Variants in MMP16 observed in about 807,000 individuals in gnomAD.
MMP16 encodes the protein matrix metalloproteinase-16.
In MMP16, 12 loss-of-function variants were observed where a neutral mutation model predicts 67.8. That is an observed-to-expected ratio of 0.18 (90% CI 0.11 to 0.29). MMP16 has a LOEUF of 0.29. MMP16 is among the 10% of genes least tolerant of loss of function. The pLI, the probability that MMP16 is intolerant of heterozygous loss-of-function variation, is 1.00. For missense variants in MMP16, 475 were observed against 765.7 expected (o/e 0.62, Z 4.48); for synonymous variants, 249 against 255.9 (o/e 0.97, Z 0.26).
intron 6 of MMP16, among the ~76,000 whole-genome samples, chr8:88,111,165 C>T (rs1405810789): frequency 1.3e-5 from 2 of 151,552 alleles, no homozygotes; most frequent in African/African-American, 4.8e-5. Flanking sequence ...TAAGTTGTAC[C>T]ACTAAATTGA....
intron 1 of MMP16, among the ~76,000 whole-genome samples, chr8:88,309,000 C>T (rs1811254594): frequency 6.6e-6 from 1 of 151,824 alleles, no homozygotes; most frequent in South Asian, 2.1e-4. Flanking sequence ...AATATTTTAC[C>T]CAGCAGATTA....
intron 6 of MMP16, among the ~76,000 whole-genome samples, chr8:88,094,801 T>A (rs1808997969): frequency 6.6e-6 from 1 of 151,774 alleles, no homozygotes; most frequent in Non-Finnish European, 1.5e-5. Flanking sequence ...TGAAAAACTG[T>A]TAGCCCCTTG....
intron 1 of MMP16, among the ~76,000 whole-genome samples, chr8:88,270,102 T>C (rs1420328581): frequency 6.6e-6 from 1 of 152,174 alleles, no homozygotes; most frequent in African/African-American, 2.4e-5. Flanking sequence ...GACCCAGTTC[T>C]TTAAGACAAA....
intron 1 of MMP16, among the ~76,000 whole-genome samples, chr8:88,286,565 G>C (rs1433715995): frequency 7.0e-6 from 1 of 142,748 alleles, no homozygotes; most frequent in Admixed American, 7.4e-5. Flanking sequence ...ACATGAGTCA[G>C]AGACCTGGAA....
chr8:88,068,293 A>G (rs953699077), intron 7 of MMP16, among the ~76,000 whole-genome samples: 3 of 152,054 alleles, frequency 2.0e-5, no homozygotes, highest in African/African-American at 7.2e-5. Context: ...AGTGTTCTTT[A>G]TATATTGTGA....
intron 1 of MMP16, among the ~76,000 whole-genome samples, chr8:88,322,539 T>C (rs1434610377): frequency 6.6e-6 from 1 of 151,966 alleles, no homozygotes; most frequent in Admixed American, 6.6e-5. Flanking sequence ...TTAATAATAA[T>C]GACATGTGGC....
intron 1 of MMP16, among the ~76,000 whole-genome samples, chr8:88,296,036 C>T (rs1309135136): frequency 1.7e-5 from 2 of 117,318 alleles, no homozygotes; most frequent in Non-Finnish European, 4.0e-5. Context: ...ATCCTACTTA[C>T]TAACTGAGAC....
chr8:88,153,855 A>C (rs1808456217), intron 4 of MMP16, among the ~76,000 whole-genome samples: 2 of 152,152 alleles, frequency 1.3e-5, no homozygotes, highest in Admixed American at 6.5e-5. Context: ...CAAAAGCCAA[A>C]AGTGACAAAT....
At chr8:88,190,717 A>C (rs938748458) in intron 2 of MMP16, among the ~76,000 whole-genome samples, 1 of 152,148 alleles carries the variant, frequency 6.6e-6, no homozygotes, top group Non-Finnish European at 1.5e-5. Context: ...TTAACATATA[A>C]GTGTATTTTA....
intron 3 of MMP16, among the ~76,000 whole-genome samples, chr8:88,172,191 G>T (rs1253104603): frequency 6.6e-6 from 1 of 152,116 alleles, no homozygotes; most frequent in Non-Finnish European, 1.5e-5. Flanking sequence ...TGTAAAAGTA[G>T]TAACCCCTCA....
chr8:88,241,110 A>T (rs1234641084), intron 1 of MMP16, among the ~76,000 whole-genome samples: 1 of 151,478 alleles, frequency 6.6e-6, no homozygotes, highest in Non-Finnish European at 1.5e-5. Flanking sequence ...TAGTACTTCA[A>T]CAGACCAAAA....
intron 7 of MMP16, 84 bp from the exon 8 acceptor site, chr8:88,056,362 TAA>T: frequency 3.7e-6 from 2 of 543,440 alleles, no homozygotes; most frequent in East Asian, 9.9e-5. Context: ...AAAATTATAT[TAA>T]ATACATATTA....
intron 3 of MMP16, 33 bp from the exon 4 acceptor site, chr8:88,168,006 T>C (rs894147582): frequency 2.0e-6 from 3 of 1,522,652 alleles, no homozygotes; most frequent in Non-Finnish European, 2.7e-6. Context: ...ATCAGTATTG[T>C]TATGTATAAG....
At chr8:88,244,173 T>A (rs920192951) in intron 1 of MMP16, among the ~76,000 whole-genome samples, 4 of 152,148 alleles carry the variant, frequency 2.6e-5, no homozygotes, top group Non-Finnish European at 4.4e-5. Flanking sequence ...CTGCAGTGTA[T>A]CAAATTACAA....
At chr8:88,205,230 C>T (rs1809407806) in intron 1 of MMP16, among the ~76,000 whole-genome samples, 1 of 152,102 alleles carries the variant, frequency 6.6e-6, no homozygotes, top group African/African-American at 2.4e-5. Flanking sequence ...AAGGAGGAAT[C>T]AGTATTCAAA....
intron 8 of MMP16, among the ~76,000 whole-genome samples, chr8:88,049,373 G>T (rs182875723): frequency 2.6e-5 from 4 of 152,238 alleles, no homozygotes; most frequent in Admixed American, 1.3e-4. Context: ...AACATTCTGT[G>T]ATGAATGGTT....
At chr8:88,123,038 A>G (rs894214731) in intron 4 of MMP16, among the ~76,000 whole-genome samples, 2 of 151,930 alleles carry the variant, frequency 1.3e-5, no homozygotes, top group African/African-American at 4.8e-5. Context: ...CCACCTGGCT[A>G]AGCTGCTCCT....
At chr8:88,318,755 T>C (rs1297250170) in intron 1 of MMP16, among the ~76,000 whole-genome samples, 2 of 152,214 alleles carry the variant, frequency 1.3e-5, no homozygotes, top group African/African-American at 4.8e-5. Context: ...TGCGTTTATA[T>C]ATGAAACATT....
At chr8:88,193,813 TA>T (rs1176982938) in intron 2 of MMP16, among the ~76,000 whole-genome samples, 1 of 151,988 alleles carries the variant, frequency 6.6e-6, no homozygotes, top group Non-Finnish European at 1.5e-5. Context: ...AAAGATAAAC[TA>T]ATATGAAAAA....
Sources: allele counts gnomAD v4.1 joint callset (sites outside exome capture counted in the v4.1 genomes callset), GRCh38; gene constraint gnomAD v4.1.1; transcripts MANE v1.5; gene names NCBI Gene and HGNC (gene_info 2026-07-23, HGNC 2026-07-21).